EFL1: variants seen among roughly 807,000 people sequenced by gnomAD.
EFL1 encodes the protein elongation factor-like GTPase 1.
In EFL1, 76 loss-of-function variants were observed where a neutral mutation model predicts 126.7. The observed-to-expected ratio is 0.60, with a 90% CI of 0.50 to 0.73. EFL1 has a LOEUF of 0.73. EFL1 is among the 30% of genes least tolerant of loss of function. The pLI is 0.00. For synonymous variants in EFL1, 410 were observed against 448.4 expected (o/e 0.91, Z 1.08); for missense variants, 1,128 against 1,343.2 (o/e 0.84, Z 2.50).
Position 82,186,870 on chromosome 15 carries a change from C to A in EFL1, c.1751-22886G>T, listed in dbSNP as rs539760032. Among the ~76,000 whole-genome samples, 252 of 152,250 alleles carry A rather than the reference C, an allele frequency of 1.7e-3. 1 individual carries two copies. The highest frequency in any genetic ancestry group is 3.0e-3 in the Non-Finnish European group (202 of 68,012). ...GCTTGTTTTGCTCTAAATTGCAGGT[C>A]CCCTGGAACTGACATCTCAGCGCCT... On this transcript the variant is annotated intron_variant, in intron 15 of 19. Coordinates refer to ENST00000268206, the MANE Select transcript of EFL1 (RefSeq NM_024580.6).
At chr15:82,261,634 C>T (rs922726120) in intron 2 of EFL1, 54 bp downstream of exon 2, 6 of 1,529,960 alleles carry the variant, frequency 3.9e-6, no homozygotes, top group Admixed American at 3.4e-5. Context: ...CTGAGACATA[C>T]AGAGACACAT....
intron 15 of EFL1, among the ~76,000 whole-genome samples, chr15:82,167,161 T>C (rs985085605): frequency 1.3e-5 from 2 of 152,324 alleles, no homozygotes; most frequent in Admixed American, 1.3e-4. Flanking sequence ...GAAAGCAGGT[T>C]GAGGAACATG....
intron 15 of EFL1, among the ~76,000 whole-genome samples, chr15:82,206,143 C>T (rs1430810832): frequency 6.6e-6 from 1 of 152,090 alleles, no homozygotes; most frequent in Non-Finnish European, 1.5e-5. Flanking sequence ...TATAGCATAT[C>T]AAATAAAAGA....
At chr15:82,207,738 GAGA>G (rs2074540818) in intron 15 of EFL1, among the ~76,000 whole-genome samples, 3 of 73,022 alleles carry the variant, frequency 4.1e-5, no homozygotes, top group African/African-American at 2.1e-4. Context: ...TTTTTTTTTT[GAGA>G]AGGAGTTTCG....
intron 15 of EFL1, among the ~76,000 whole-genome samples, chr15:82,183,456 A>G (rs881308): frequency 0.67 from 101,234 of 151,890 alleles, 35,530 homozygotes; most frequent in African/African-American, 0.89. Flanking sequence ...ACACCACTTA[A>G]GGGCATCTTT....
chr15:82,171,850 G>A (rs2074138990), intron 15 of EFL1, among the ~76,000 whole-genome samples: 1 of 151,584 alleles, frequency 6.6e-6, no homozygotes, highest in African/African-American at 2.4e-5. Flanking sequence ...CATACCTCCT[G>A]TACTGAAAAT....
chr15:82,237,054 A>C (rs1453675906), intron 7 of EFL1, among the ~76,000 whole-genome samples: 3 of 152,192 alleles, frequency 2.0e-5, no homozygotes, highest in African/African-American at 7.2e-5. Flanking sequence ...GAGGCAGGAG[A>C]ATCGCTTGAA....
chr15:82,235,405 C>G (rs1177083682), intron 7 of EFL1, among the ~76,000 whole-genome samples: 2 of 152,122 alleles, frequency 1.3e-5, no homozygotes, highest in African/African-American at 4.8e-5. Context: ...AAACAAAAAA[C>G]TGACATGAAA....
intron 15 of EFL1, among the ~76,000 whole-genome samples, chr15:82,213,048 G>A (rs1487956477): frequency 6.6e-6 from 1 of 152,184 alleles, no homozygotes; most frequent in Admixed American, 6.5e-5. Flanking sequence ...ACCAGCCCTG[G>A]ACTGTCCACC....
rs143735143 is a variant in EFL1, at chr15:82,233,201, C to T, written c.732-2230G>A. On this transcript the variant is annotated intron_variant, in intron 7 of 19. Coordinates refer to ENST00000268206, the MANE Select transcript of EFL1 (RefSeq NM_024580.6). ...TTATCCTTTTCATTCTTTTTTATCCCGTAGTTACTACAAAATTTGCTTAAC... is the reference window on the plus strand; with the variant it reads ...TTATCCTTTTCATTCTTTTTTATCCTGTAGTTACTACAAAATTTGCTTAAC... 6.5e-3 allele frequency among the ~76,000 whole-genome samples: 985 copies of T among 152,196 alleles called. 11 individuals carry two copies. The highest frequency in any genetic ancestry group is 0.023 in the African/African-American group (940 of 41,532).
chr15:82,185,647 C>T (rs1252360040), intron 15 of EFL1, among the ~76,000 whole-genome samples: 1 of 151,914 alleles, frequency 6.6e-6, no homozygotes, highest in Non-Finnish European at 1.5e-5. Context: ...TTTAAAAACA[C>T]AGCCAAAGAA....
chr15:82,133,585 G>A (rs1422183363), intron 19 of EFL1, among the ~76,000 whole-genome samples: 1 of 152,180 alleles, frequency 6.6e-6, no homozygotes, highest in African/African-American at 2.4e-5. Flanking sequence ...TGGGGAAGGA[G>A]GGGTGAATGG....
chr15:82,166,052 C>T (rs1400096539), intron 15 of EFL1, among the ~76,000 whole-genome samples: 1 of 152,194 alleles, frequency 6.6e-6, no homozygotes, highest in East Asian at 1.9e-4. Context: ...ACTAAGTCTA[C>T]TAGAAATAAC....
At chr15:82,198,689 G>A (rs1461245012) in intron 15 of EFL1, among the ~76,000 whole-genome samples, 3 of 152,152 alleles carry the variant, frequency 2.0e-5, no homozygotes, top group African/African-American at 7.2e-5. Context: ...GGAGAGAAAG[G>A]AAGGCCATAG....
chr15:82,172,721 T>C (rs1168857194), intron 15 of EFL1, among the ~76,000 whole-genome samples: 1 of 152,218 alleles, frequency 6.6e-6, no homozygotes, highest in Non-Finnish European at 1.5e-5. Context: ...CAGTCACTCA[T>C]GGCGTATGAG....
rs548181857 is a variant in EFL1, at chr15:82,199,093, T to A, written c.1750+15624A>T. The stretch of plus-strand genomic sequence containing the variant: ...CTTTGGATCCTGAGAAAGGAAGGCT[T>A]ATGAAAGACACCTTATATTCCTTCC... On this transcript the variant is annotated intron_variant, in intron 15 of 19. Coordinates refer to ENST00000268206, the MANE Select transcript of EFL1 (RefSeq NM_024580.6). Among the ~76,000 whole-genome samples the A allele has an allele frequency of 2.5e-4, 38 of 152,224 alleles. 1 individual carries two copies. The South Asian group carries it at 7.7e-3, about 31-fold the overall frequency.
In EFL1 at chr15:82,259,101, C is replaced by T. The variant is rs777654362; in HGVS notation, c.146G>A (p.Arg49His). The change falls in exon 3 of 20, where the codon CGC becomes CAC. Residue 49 changes from arginine to histidine, a missense_variant. Around this residue, in one of 6 missense-constraint regions of EFL1, gnomAD observed 118 missense variants for 188.1 expected, o/e 0.63. Transcript: ENST00000268206. ...ATAATAACATACCTTGCCTGCTAGG[C>T]GGCTGGAGATGATTCCATTGCTAGA... ...LISSNGIISS[R>H]LAGKLRYMDS... The T allele has an allele frequency of 1.1e-5, 17 of 1,613,702 alleles. No homozygotes were observed. The highest frequency in any genetic ancestry group is 2.2e-5 in the East Asian group (1 of 44,874).
chr15:82,157,713 C>T lies in EFL1; in HGVS notation c.2030G>A (p.Arg677Lys), dbSNP rs767204729. 3.7e-6 allele frequency: 6 copies of T among 1,610,668 alleles called. No individual in the cohort carries two copies. The Admixed American group carries it at 8.4e-5, about 23-fold the overall frequency. Reference protein sequence around the residue: ...LQRCLDDLKERFAKIHISVSE... With the variant: ...LQRCLDDLKEKFAKIHISVSE... Reference sequence around the variant, plus strand: ...TCCATCGCTATCATTTTCACCTAACCTTTCTTTTAAGTCATCCAGGCATCG... The same window carrying T: ...TCCATCGCTATCATTTTCACCTAACTTTTCTTTTAAGTCATCCAGGCATCG... The change falls in exon 17 of 20, where the codon AGG becomes AAG. Residue 677 changes from arginine to lysine, a missense_variant and splice_region_variant. Arg to Lys is a conservative substitution (Grantham distance 26, BLOSUM62 2). This residue lies in a region of EFL1 where 561 missense variants were observed against 641.7 expected (regional missense o/e 0.87). Coordinates refer to ENST00000268206, the MANE Select transcript of EFL1 (RefSeq NM_024580.6).
chr15:82,156,447 G>C (rs1031365899), intron 17 of EFL1, among the ~76,000 whole-genome samples: 1 of 152,140 alleles, frequency 6.6e-6, no homozygotes, highest in African/African-American at 2.4e-5. Context: ...ACCACATCCA[G>C]CTAATTTTTG....
Sources: allele counts gnomAD v4.1 joint callset (sites outside exome capture counted in the v4.1 genomes callset), GRCh38; gene constraint gnomAD v4.1.1; regional missense constraint gnomAD v4.1.1; transcripts MANE v1.5; gene names NCBI Gene and HGNC (gene_info 2026-07-23, HGNC 2026-07-21).